Variants in ANOS1 observed in about 807,000 individuals in gnomAD.
ANOS1 encodes the protein anosmin-1.
Under a neutral mutation model 59.0 loss-of-function variants are expected in ANOS1, and 6 were observed. The ratio of observed to expected loss-of-function variants is 0.10; its 90% CI spans 0.06 to 0.20. The LOEUF is 0.20. Among genes scored for constraint, ANOS1 ranks in the 10% least tolerant of loss-of-function variants. The pLI is 1.00. For missense variants in ANOS1, 433 were observed against 542.3 expected, an observed-to-expected ratio of 0.80 and a Z score of 2.00; for synonymous variants, 217 against 223.4, an observed-to-expected ratio of 0.97 and a Z score of 0.25.
chrX:8,597,505 C>T (rs890719164), intron 3 of ANOS1, among the ~76,000 whole-genome samples: 6 of 110,284 alleles, frequency 5.4e-5, no homozygotes, highest in African/African-American at 2.0e-4. Context: ...TATGCGCCCA[C>T]GTTCACAGAT....
At chrX:8,681,933 T>C (rs1319142550) in intron 2 of ANOS1, among the ~76,000 whole-genome samples, 2 of 111,288 alleles carry the variant, frequency 1.8e-5, no homozygotes, top group Non-Finnish European at 3.8e-5. Flanking sequence ...TTACTCCTAA[T>C]GTAAGATAAG....
At chrX:8,548,088 A>T in intron 9 of ANOS1, among the ~76,000 whole-genome samples, 1 of 112,638 alleles carries the variant, frequency 8.9e-6, no homozygotes. Flanking sequence ...TAAAATACTC[A>T]TCTAAAGACT....
intron 2 of ANOS1, among the ~76,000 whole-genome samples, chrX:8,680,444 A>G (rs1006338735): frequency 2.7e-5 from 3 of 111,748 alleles, no homozygotes; most frequent in Non-Finnish European, 5.6e-5. Context: ...AACATATTTC[A>G]ATGATATTTC....
At chrX:8,630,385 G>A (rs763420050) in intron 2 of ANOS1, among the ~76,000 whole-genome samples, 1 of 93,673 alleles carries the variant, frequency 1.1e-5, no homozygotes, top group Non-Finnish European at 2.0e-5. Context: ...AGCTGAAATT[G>A]TGCCACTGCA....
At chrX:8,565,438 G>A (rs1178617893) in intron 8 of ANOS1, among the ~76,000 whole-genome samples, 1 of 111,778 alleles carries the variant, frequency 8.9e-6, no homozygotes, top group African/African-American at 3.3e-5. Flanking sequence ...TGTCTTGAGA[G>A]TGGAACTCCA....
In ANOS1 at chrX:8,732,108, A is replaced by G. The variant is rs1932988759; in HGVS notation, c.-72T>C. 1.3e-6 allele frequency: 1 copy of G among 769,340 alleles called. No individual in the cohort carries two copies. Among genetic ancestry groups the G allele is most frequent in the Non-Finnish European group, 1.6e-6 (1 of 615,692 alleles). The allele number at this position is 769,340 out of a possible 1,213,427, so 63.4% of individuals were successfully genotyped here. A position where few individuals can be genotyped will look rare whatever the true frequency, so the allele number is the denominator to read the frequency against. ...GCTCCCTGCTCCGCGCCGGGGCTGCACTGCTGAGGACCAGGCAGACGCCGC... is the reference window on the plus strand; with the variant it reads ...GCTCCCTGCTCCGCGCCGGGGCTGCGCTGCTGAGGACCAGGCAGACGCCGC... On this transcript the variant is annotated 5_prime_UTR_variant, in exon 1 of 14. Transcript: ENST00000262648.
chrX:8,528,930 T>C lies in ANOS1; in HGVS notation c.*4065A>G, dbSNP rs1929451364. On this transcript the variant is annotated 3_prime_UTR_variant, in exon 14 of 14. Coordinates refer to ENST00000262648, the MANE Select transcript of ANOS1 (RefSeq NM_000216.4). ...GTATGTACAAACTCTAACATGAAAATAATGAGTCACAGAATATCAAGACTA... is the reference window on the plus strand; with the variant it reads ...GTATGTACAAACTCTAACATGAAAACAATGAGTCACAGAATATCAAGACTA... 8.9e-6 allele frequency: 1 copy of C among 111,992 alleles called. No individual in the cohort carries two copies. The highest frequency in any genetic ancestry group is 3.7e-4 in the South Asian group (1 of 2,704). The allele number at this position is 111,992 out of a possible 1,213,427, so 9.2% of individuals were successfully genotyped here.
chrX:8,577,569 C>G (rs1015936179), intron 6 of ANOS1, among the ~76,000 whole-genome samples: 1 of 112,452 alleles, frequency 8.9e-6, no homozygotes, highest in Non-Finnish European at 1.9e-5. Context: ...GTAAAATATG[C>G]TAAATATTTA....
At chrX:8,708,155 C>T (rs577291619) in intron 1 of ANOS1, among the ~76,000 whole-genome samples, 8 of 112,070 alleles carry the variant, frequency 7.1e-5, no homozygotes, top group South Asian at 3.8e-4. Flanking sequence ...ATCCAGGAGG[C>T]GGAGGTTGCA....
At chrX:8,682,615 G>A (rs1379123801) in intron 2 of ANOS1, among the ~76,000 whole-genome samples, 1 of 111,027 alleles carries the variant, frequency 9.0e-6, no homozygotes, top group Non-Finnish European at 1.9e-5. Context: ...TAAGTAGAGA[G>A]GCCATAATGT....
chrX:8,604,482 C>T (rs908927448), intron 3 of ANOS1, among the ~76,000 whole-genome samples: 2 of 112,421 alleles, frequency 1.8e-5, no homozygotes, highest in Non-Finnish European at 3.7e-5. Flanking sequence ...CAATCTTACA[C>T]TTCCTGGGAA....
At chrX:8,699,074 G>A (rs1044716836) in intron 2 of ANOS1, among the ~76,000 whole-genome samples, 9 of 111,048 alleles carry the variant, frequency 8.1e-5, no homozygotes, top group Non-Finnish European at 1.1e-4. Context: ...ACCTGATTAC[G>A]AAACCTACTT....
At chrX:8,654,132 C>T (rs765845080) in intron 2 of ANOS1, among the ~76,000 whole-genome samples, 1 of 111,829 alleles carries the variant, frequency 8.9e-6, no homozygotes, top group Non-Finnish European at 1.9e-5. Context: ...AGGGCTAGAG[C>T]TGACACTGCC....
intron 2 of ANOS1, among the ~76,000 whole-genome samples, chrX:8,697,731 C>T (rs139681209): frequency 5.5e-4 from 61 of 111,865 alleles, no homozygotes; most frequent in African/African-American, 1.9e-3. Context: ...CTTTTCTCTC[C>T]CTATATTTGT....
At chrX:8,713,179 C>G (rs777065169) in intron 1 of ANOS1, among the ~76,000 whole-genome samples, 1 of 110,960 alleles carries the variant, frequency 9.0e-6, no homozygotes, top group East Asian at 2.8e-4. Flanking sequence ...GCTGAGGACA[C>G]CACCACTGAC....
At chrX:8,550,614 G>C (rs1386584184) in intron 9 of ANOS1, among the ~76,000 whole-genome samples, 1 of 111,324 alleles carries the variant, frequency 9.0e-6, no homozygotes, top group Non-Finnish European at 1.9e-5. Flanking sequence ...AGACAGTAAG[G>C]TATTGTCACA....
intron 9 of ANOS1, among the ~76,000 whole-genome samples, chrX:8,542,853 T>A (rs1929710525): frequency 9.3e-6 from 1 of 107,339 alleles, no homozygotes; most frequent in South Asian, 4.2e-4. Context: ...AATATCCCCA[T>A]CTCAAGGTTG....
At position 8,535,766 on chromosome X, in the gene ANOS1, G is replaced by C; in HGVS notation, c.1667C>G (p.Ala556Gly). The C allele has an allele frequency of 1.7e-6, 2 of 1,211,848 alleles. No individual in the cohort carries two copies. Among genetic ancestry groups the C allele is most frequent in the Non-Finnish European group, 2.2e-6 (2 of 895,225 alleles). ...KVLAKPENLSASFIVQDVNIT... is the reference protein window; with the variant it reads ...KVLAKPENLSGSFIVQDVNIT... ...GTTCACATCCTGGACGATGAATGAAGCAGAAAGGTTCTCAGGCTTAGCTAG... is the reference window on the plus strand; with the variant it reads ...GTTCACATCCTGGACGATGAATGAACCAGAAAGGTTCTCAGGCTTAGCTAG... Residue 556 changes from alanine (A) to glycine (G), a missense_variant, in exon 12 of 14, where the codon GCT (alanine) becomes GGT (glycine). Transcript: ENST00000262648.
At chrX:8,701,507 C>T (rs73199066) in intron 1 of ANOS1, among the ~76,000 whole-genome samples, 6,458 of 111,759 alleles carry the variant, frequency 0.058, 217 homozygotes, top group African/African-American at 0.12. Flanking sequence ...CAAAAAGAAA[C>T]CTGTACCTAT....
Sources: allele counts gnomAD v4.1 joint callset (sites outside exome capture counted in the v4.1 genomes callset), GRCh38; gene constraint gnomAD v4.1.1; transcripts MANE v1.5; gene names NCBI Gene and HGNC (gene_info 2026-07-23, HGNC 2026-07-21).